SOX6: variants seen among roughly 807,000 people sequenced by gnomAD.
SOX6 encodes transcription factor SOX-6.
In SOX6, 11 loss-of-function variants were observed where a neutral mutation model predicts 97.8. The ratio of observed to expected loss-of-function variants is 0.11; its 90% CI spans 0.07 to 0.19. The LOEUF (loss-of-function observed/expected upper bound fraction) is 0.19, where lower values mean the gene tolerates loss of function less well. Ranked by LOEUF, SOX6 falls within the 10% of genes least tolerant of loss-of-function variation. SOX6 has a pLI of 1.00. For missense variants in SOX6, 810 were observed against 1,039.5 expected (o/e 0.78, Z 3.04); for synonymous variants, 360 against 371.4 (o/e 0.97, Z 0.35).
chr11:16,298,701 T>C (rs576517329), intron 3 of SOX6, among the ~76,000 whole-genome samples: 11 of 152,250 alleles, frequency 7.2e-5, no homozygotes, highest in African/African-American at 2.6e-4. Flanking sequence ...ATATAAAGAA[T>C]TAGTTTTACT....
intron 3 of SOX6, among the ~76,000 whole-genome samples, chr11:16,632,248 CT>C (rs1848717593): frequency 6.6e-6 from 1 of 152,080 alleles, no homozygotes; most frequent in Non-Finnish European, 1.5e-5. Flanking sequence ...AGGATTTTTT[CT>C]TTTTCTCTTT....
intron 2 of SOX6, among the ~76,000 whole-genome samples, chr11:16,320,797 C>A (rs989455308): frequency 9.2e-5 from 14 of 152,084 alleles, no homozygotes; most frequent in Admixed American, 1.3e-4. Context: ...TAAGCTGAAT[C>A]TTTTCATTGA....
At chr11:16,289,089 C>A (rs1439130830) in intron 3 of SOX6, among the ~76,000 whole-genome samples, 1 of 151,508 alleles carries the variant, frequency 6.6e-6, no homozygotes, top group African/African-American at 2.4e-5. Context: ...AAACAAATGG[C>A]AAGAATTAAA....
chr11:16,592,649 ATT>A (rs1848166663), intron 4 of SOX6, among the ~76,000 whole-genome samples: 1 of 152,138 alleles, frequency 6.6e-6, no homozygotes, highest in Non-Finnish European at 1.5e-5. Flanking sequence ...AATGAGCAAA[ATT>A]AATAACTATA....
chr11:16,190,382 GC>G (rs1851596955), intron 4 of SOX6, among the ~76,000 whole-genome samples: 1 of 152,062 alleles, frequency 6.6e-6, no homozygotes, highest in Non-Finnish European at 1.5e-5. Context: ...CACAGACTCA[GC>G]CAATCTCGAA....
At chr11:16,288,086 C>T (rs1854804569) in intron 3 of SOX6, among the ~76,000 whole-genome samples, 1 of 152,060 alleles carries the variant, frequency 6.6e-6, no homozygotes, top group Admixed American at 6.6e-5. Flanking sequence ...TATTCATTAA[C>T]TTGATTTCAC....
At chr11:16,039,806 A>T (rs1032373361) in intron 12 of SOX6, among the ~76,000 whole-genome samples, 1 of 152,030 alleles carries the variant, frequency 6.6e-6, no homozygotes, top group African/African-American at 2.4e-5. Flanking sequence ...TTTAATATTT[A>T]ATAAGACAAA....
At chr11:16,055,494 A>C (rs1769037465) in intron 10 of SOX6, among the ~76,000 whole-genome samples, 1 of 152,212 alleles carries the variant, frequency 6.6e-6, no homozygotes, top group South Asian at 2.1e-4. Context: ...TAAAAAATAA[A>C]AGCCAGAATC....
intron 1 of SOX6, among the ~76,000 whole-genome samples, chr11:16,376,048 G>C (rs1369031033): frequency 6.6e-6 from 1 of 152,062 alleles, no homozygotes; most frequent in Non-Finnish European, 1.5e-5. Context: ...GGCTAGGGGA[G>C]GGATAACATT....
At chr11:16,517,709 A>G (rs943458826) in intron 4 of SOX6, among the ~76,000 whole-genome samples, 17 of 152,198 alleles carry the variant, frequency 1.1e-4, no homozygotes, top group African/African-American at 3.6e-4. Flanking sequence ...TCAAGAAAAT[A>G]TAACTGTCAC....
chr11:16,719,984 A>G (rs951089437), intron 2 of SOX6, among the ~76,000 whole-genome samples: 11 of 152,226 alleles, frequency 7.2e-5, no homozygotes, highest in Non-Finnish European at 1.6e-4. Context: ...TTATAAAGAC[A>G]TAATGAAATA....
intron 9 of SOX6, among the ~76,000 whole-genome samples, chr11:16,089,969 A>C (rs1848648442): frequency 6.6e-6 from 1 of 152,128 alleles, no homozygotes; most frequent in African/African-American, 2.4e-5. Context: ...ATCATCTCTC[A>C]GAATTCCAAC....
intron 2 of SOX6, among the ~76,000 whole-genome samples, chr11:16,726,308 G>A (rs1299925344): frequency 2.0e-5 from 3 of 152,136 alleles, no homozygotes; most frequent in Non-Finnish European, 2.9e-5. Flanking sequence ...ACCCAGCTAC[G>A]CAGGAGGCTG....
chr11:16,384,642 A>C (rs770453093), intron 1 of SOX6, among the ~76,000 whole-genome samples: 2 of 151,952 alleles, frequency 1.3e-5, no homozygotes, highest in Non-Finnish European at 2.9e-5. Flanking sequence ...ATGAACTGAT[A>C]AAATTGAGAA....
intron 3 of SOX6, chr11:16,646,103 C>G (rs1016030042): frequency 1.3e-5 from 2 of 152,142 alleles, no homozygotes; most frequent in African/African-American, 4.8e-5. Flanking sequence ...GGGTTCCAGG[C>G]TGAATTAACA....
At chr11:16,523,362 C>A (rs1463480916) in intron 4 of SOX6, among the ~76,000 whole-genome samples, 1 of 152,144 alleles carries the variant, frequency 6.6e-6, no homozygotes, top group Non-Finnish European at 1.5e-5. Flanking sequence ...GGAAACTGAA[C>A]AACCTGCTCC....
rs1263260202 is a variant in SOX6 at position 16,118,558 on chromosome 11, AAC to A, written c.778-6637_778-6636del. Among the ~76,000 whole-genome samples, 5 of 152,222 alleles carry A rather than the reference AAC, an allele frequency of 3.3e-5. No homozygotes were observed. The East Asian group carries it at 9.6e-4, about 29-fold the overall frequency. The stretch of plus-strand genomic sequence containing the variant: ...TTCATTAAAGATACATGAATGGGCT[AAC>A]TGGCCTGATATCTTGTGAGGAACAG... On this transcript the variant is annotated intron_variant, in intron 6 of 15. Transcript: ENST00000683767.
In SOX6 at chr11:16,034,389, C is replaced by T. The variant is rs190805177; in HGVS notation, c.1623+12125G>A. Among the ~76,000 whole-genome samples the T allele has an allele frequency of 3.9e-5, 6 of 152,244 alleles. No individual in the cohort carries two copies. In the East Asian group the frequency reaches 1.2e-3, roughly 29 times the overall value. ...CACTAAAAATAAAATCAAGCATTTCCATCCATAGTGGGAAGACAGCACTTT... is the reference window on the plus strand; with the variant it reads ...CACTAAAAATAAAATCAAGCATTTCTATCCATAGTGGGAAGACAGCACTTT... On this transcript the variant is annotated intron_variant, in intron 12 of 15. Coordinates refer to ENST00000683767, the MANE Select transcript of SOX6 (RefSeq NM_001367873.1).
At chr11:16,076,529 G>A (rs527409843) in intron 9 of SOX6, among the ~76,000 whole-genome samples, 4 of 151,996 alleles carry the variant, frequency 2.6e-5, no homozygotes, top group South Asian at 2.1e-4. Context: ...GTATTAGTCC[G>A]TTCTCCCACT....
Sources: allele counts gnomAD v4.1 joint callset (sites outside exome capture counted in the v4.1 genomes callset), GRCh38; gene constraint gnomAD v4.1.1; transcripts MANE v1.5; gene names NCBI Gene and HGNC (gene_info 2026-07-23, HGNC 2026-07-21).